The following NDUFA9 variants were observed in gnomAD, a reference collection of about 807,000 sequenced individuals.
The protein encoded by NDUFA9 is NADH dehydrogenase [ubiquinone] 1 alpha subcomplex subunit 9, mitochondrial.
A neutral mutation model predicts 45.9 loss-of-function variants in NDUFA9; 23 were observed. The observed-to-expected ratio is 0.50, with a 90% CI of 0.36 to 0.71. The LOEUF (loss-of-function observed/expected upper bound fraction) is 0.71, where lower values mean the gene tolerates loss of function less well. NDUFA9 is among the 30% of genes least tolerant of loss of function. The probability of loss-of-function intolerance (pLI) is 0.00; values close to 1 mark genes in which losing one functional copy is unlikely to be tolerated. For missense variants in NDUFA9, 466 were observed against 488.2 expected (o/e 0.95, Z 0.43); for synonymous variants, 176 against 170.5 (o/e 1.03, Z -0.25).
chr12:4,671,711 T>C (rs950307019), intron 8 of NDUFA9, among the ~76,000 whole-genome samples: 9 of 152,160 alleles, frequency 5.9e-5, no homozygotes, highest in African/African-American at 1.9e-4. Context: ...GACATAAGAA[T>C]TGACGTATAG....
At chr12:4,682,402 C>T (rs1945958989) in intron 9 of NDUFA9, 102 bp downstream of exon 9, 1 of 650,970 alleles carries the variant, frequency 1.5e-6, no homozygotes, top group Non-Finnish European at 2.6e-6. Context: ...AAGGGCTGGT[C>T]TCCAGATCTC....
chr12:4,675,767 TC>T (rs1372229912), intron 8 of NDUFA9, among the ~76,000 whole-genome samples: 3 of 152,126 alleles, frequency 2.0e-5, no homozygotes, highest in African/African-American at 7.2e-5. Flanking sequence ...CTGAAACTAT[TC>T]CAATCAATAG....
intron 8 of NDUFA9, among the ~76,000 whole-genome samples, chr12:4,675,813 GGCCA>G (rs1440726808): frequency 6.6e-6 from 1 of 152,140 alleles, no homozygotes; most frequent in East Asian, 1.9e-4. Flanking sequence ...CATTTTATGA[GGCCA>G]GCATCATCCT....
chr12:4,685,445 C>G, intron 10 of NDUFA9, 120 bp downstream of exon 10: 1 of 916,786 alleles, frequency 1.1e-6, no homozygotes, highest in Non-Finnish European at 1.7e-6. Flanking sequence ...TGTCTGCAGT[C>G]AGCCCCTCTA....
chr12:4,651,642 A>G (rs1314742984), intron 1 of NDUFA9, among the ~76,000 whole-genome samples: 1 of 152,204 alleles, frequency 6.6e-6, no homozygotes, highest in African/African-American at 2.4e-5. Context: ...TGTATGTTTA[A>G]TCCTCTTAAC....
chr12:4,681,872 A>C (rs1170052899), intron 8 of NDUFA9, among the ~76,000 whole-genome samples: 2 of 152,116 alleles, frequency 1.3e-5, no homozygotes. Flanking sequence ...GATTACATGC[A>C]GTGTAATATG....
At chr12:4,666,816 A>G (rs1945855821) in intron 6 of NDUFA9, among the ~76,000 whole-genome samples, 1 of 152,106 alleles carries the variant, frequency 6.6e-6, no homozygotes, top group Non-Finnish European at 1.5e-5. Flanking sequence ...AGACTTCCAA[A>G]AATTTGTTCT....
chr12:4,654,498 C>A, intron 2 of NDUFA9, 36 bp downstream of exon 2: 1 of 1,605,458 alleles, frequency 6.2e-7, no homozygotes, highest in Non-Finnish European at 8.5e-7. Flanking sequence ...TGCTCCATTG[C>A]CATTGATCAG....
rs577557431 is a variant in NDUFA9 at position 4,691,573 on chromosome 12, G to C, written c.*4465G>C. ...TGAATGGGAGGTATAGTGGAATGGAGGGCGTATTTGAAGAAACCCTTCCTG... is the reference window on the plus strand; with the variant it reads ...TGAATGGGAGGTATAGTGGAATGGACGGCGTATTTGAAGAAACCCTTCCTG... On this transcript the variant is annotated 3_prime_UTR_variant, in exon 11 of 11. Coordinates refer to ENST00000266544, the MANE Select transcript of NDUFA9 (RefSeq NM_005002.5). The C allele has an allele frequency of 4.7e-4, 71 of 152,366 alleles. No individual in the cohort carries two copies. Among genetic ancestry groups the C allele is most frequent in the African/African-American group, 1.7e-3 (70 of 41,578 alleles). The allele number at this position is 152,366 out of a possible 1,614,324, so 9.4% of individuals were successfully genotyped here.
chr12:4,665,149 C>T (rs1026546359), intron 6 of NDUFA9, among the ~76,000 whole-genome samples: 4 of 152,138 alleles, frequency 2.6e-5, no homozygotes, highest in Non-Finnish European at 4.4e-5. Context: ...GAGTACAGTT[C>T]AGTAGTATTA....
rs1946026348 is a variant in NDUFA9 at position 4,693,033 on chromosome 12, C to T, written c.*5925C>T. 2 of 152,332 alleles carry T rather than the reference C, an allele frequency of 1.3e-5. No homozygotes were observed. The highest frequency in any genetic ancestry group is 6.5e-5 in the Admixed American group (1 of 15,282). 9.4% of individuals were successfully genotyped at this position (152,332 alleles called of 1,614,324 possible). ...GGTGCAGTGGCTCGCGCCTGTAATC[C>T]CAGCACTTTGGGAGGCTGAGGTGGG... is the stretch of plus-strand genomic sequence containing the variant. On this transcript the variant is annotated 3_prime_UTR_variant, in exon 11 of 11. Transcript: ENST00000266544.
In NDUFA9 at chr12:4,687,443, C is replaced by T. The variant is rs1055732345; in HGVS notation, c.*335C>T. 4 of 176,870 alleles carry T rather than the reference C, an allele frequency of 2.3e-5. No individual in the cohort carries two copies. Among genetic ancestry groups the T allele is most frequent in the Non-Finnish European group, 3.5e-5 (3 of 84,858 alleles). 11.0% of individuals were successfully genotyped at this position (176,870 alleles called of 1,614,324 possible). A position where few individuals can be genotyped will look rare whatever the true frequency, so the allele number is the denominator to read the frequency against. On this transcript the variant is annotated 3_prime_UTR_variant, in exon 11 of 11. Transcript: ENST00000266544. ...TTTAATGTCAAAGTATTGTAAAGAC[C>T]CCAAGTGATATGTGATTGTTTTTTA...
In NDUFA9 at chr12:4,658,477, C is replaced by T. The variant is rs181872040; in HGVS notation, c.411-559C>T. Among the ~76,000 whole-genome samples the T allele has an allele frequency of 1.2e-4, 18 of 152,234 alleles. No homozygotes were observed. In the East Asian group the frequency reaches 3.1e-3, roughly 26 times the overall value. ...TTGTACAGAGTAAACATTTAGTTAACGTTACCGAATGAAATTGTTGACTGA... is the reference window on the plus strand; with the variant it reads ...TTGTACAGAGTAAACATTTAGTTAATGTTACCGAATGAAATTGTTGACTGA... On this transcript the variant is annotated intron_variant, in intron 4 of 10. Transcript: ENST00000266544.
At chr12:4,680,947 C>A (rs139553551) in intron 8 of NDUFA9, among the ~76,000 whole-genome samples, 1 of 152,190 alleles carries the variant, frequency 6.6e-6, no homozygotes, top group East Asian at 1.9e-4. Flanking sequence ...TAGAGCGGAA[C>A]GTTCAGAAAC....
At position 4,686,527 on chromosome 12, in the gene NDUFA9, A is replaced by G. The variant is rs1186333012; in HGVS notation, c.964-411A>G. Among the ~76,000 whole-genome samples the G allele has an allele frequency of 2.0e-5, 3 of 152,004 alleles. No homozygotes were observed. In the East Asian group the frequency reaches 5.8e-4, roughly 29 times the overall value. On this transcript the variant is annotated intron_variant, in intron 10 of 10. Transcript: ENST00000266544. ...CCCGTGCTCAGAAAACAGGGGCGTG[A>G]GAGGACTGAGGAATGGACCAGCTCT...
At chr12:4,661,688 A>G (rs77802048) in intron 5 of NDUFA9, among the ~76,000 whole-genome samples, 1,740 of 97,656 alleles carry the variant, frequency 0.018, 44 homozygotes, top group African/African-American at 0.06. Context: ...GAGTTGATAC[A>G]GGGGAAGCAG....
intron 8 of NDUFA9, among the ~76,000 whole-genome samples, chr12:4,670,074 C>A (rs1016420838): frequency 5.9e-5 from 9 of 152,044 alleles, no homozygotes; most frequent in African/African-American, 1.2e-4. Flanking sequence ...TTGTACTACT[C>A]CAGTGATGTT....
In NDUFA9 at chr12:4,659,186, C is replaced by G; in HGVS notation, c.552+9C>G. On this transcript the variant is annotated intron_variant, in intron 5 of 10. Transcript: ENST00000266544. ...GATATTTGAGAAATAAGGTAAGTAACAAATTGATCTGGGAAGTGGTTCACA... is the reference window on the plus strand; with the variant it reads ...GATATTTGAGAAATAAGGTAAGTAAGAAATTGATCTGGGAAGTGGTTCACA... 6.2e-7 allele frequency: 1 copy of G among 1,608,166 alleles called. No homozygotes were observed. The highest frequency in any genetic ancestry group is 8.5e-7 in the Non-Finnish European group (1 of 1,175,838).
At chr12:4,650,806 T>TG (rs984894669) in intron 1 of NDUFA9, among the ~76,000 whole-genome samples, 4 of 152,076 alleles carry the variant, frequency 2.6e-5, no homozygotes, top group African/African-American at 9.7e-5. Flanking sequence ...CAAAGACAAG[T>TG]GGGTGAGAAT....
Sources: gnomAD v4.1 joint callset for allele counts (sites outside exome capture counted in the v4.1 genomes callset) on GRCh38, gnomAD v4.1.1 for gene constraint, MANE v1.5 for transcripts, NCBI Gene and HGNC (gene_info 2026-07-23, HGNC 2026-07-21) for gene names.